The following SLC25A37 variants were observed in gnomAD, a reference collection of about 807,000 sequenced individuals.
SLC25A37 encodes the protein solute carrier family 25 member 37.
Under a neutral mutation model 31.0 loss-of-function variants are expected in SLC25A37, and 17 were observed. The observed-to-expected ratio is 0.55, with a 90% confidence interval of 0.38 to 0.82. SLC25A37 has a LOEUF of 0.82. Ranked by LOEUF, SLC25A37 falls within the 40% of genes least tolerant of loss-of-function variation. SLC25A37 has a pLI of 0.00. For synonymous variants in SLC25A37, 222 were observed against 193.0 expected, an observed-to-expected ratio of 1.15 and a Z score of -1.24; for missense variants, 404 against 465.8, an observed-to-expected ratio of 0.87 and a Z score of 1.22.
At chr8:23,537,866 G>A (rs1801802446) in intron 1 of SLC25A37, among the ~76,000 whole-genome samples, 1 of 152,144 alleles carries the variant, frequency 6.6e-6, no homozygotes, top group African/African-American at 2.4e-5. Flanking sequence ...GTTCACACCT[G>A]TGTGTCTCCC....
chr8:23,541,029 C>G (rs77078723), intron 1 of SLC25A37, among the ~76,000 whole-genome samples: 8,903 of 152,316 alleles, frequency 0.058, 364 homozygotes, highest in Middle Eastern at 0.11. Context: ...GCTGCCTGGC[C>G]TTGGGCACTT....
chr8:23,568,722 C>G (rs1439880572), intron 3 of SLC25A37: 10 of 300,116 alleles, frequency 3.3e-5, no homozygotes, highest in Non-Finnish European at 6.5e-5. Flanking sequence ...GTGGGCAGAT[C>G]ACTTGAGGTC....
At chr8:23,551,503 C>T (rs1423357006) in intron 1 of SLC25A37, among the ~76,000 whole-genome samples, 1 of 151,722 alleles carries the variant, frequency 6.6e-6, no homozygotes, top group Non-Finnish European at 1.5e-5. Flanking sequence ...GATCCTGCTG[C>T]TAGGCAGTGA....
At position 23,573,483 on chromosome 8, in the gene SLC25A37, A is replaced by T; in HGVS notation, c.*1628A>T. 1 of 203,830 alleles carries T rather than the reference A, an allele frequency of 4.9e-6. No homozygotes were observed. 12.6% of individuals were successfully genotyped at this position (203,830 alleles called of 1,614,324 possible). A position where few individuals can be genotyped will look rare whatever the true frequency, so the allele number is the denominator to read the frequency against. Reference sequence around the variant, plus strand: ...GCTCATGTATGTTTGCATTTCAGTGAGCCGGGTCCTGACCTGCCGCCACCC... The same window carrying T: ...GCTCATGTATGTTTGCATTTCAGTGTGCCGGGTCCTGACCTGCCGCCACCC... On this transcript the variant is annotated 3_prime_UTR_variant, in exon 4 of 4. Transcript: ENST00000519973.
Position 23,546,739 on chromosome 8 carries a change from T to C in SLC25A37, c.210+17527T>C, listed in dbSNP as rs192733009. The stretch of plus-strand genomic sequence containing the variant: ...AAAAATATCAGCTCAGAAATGACTT[T>C]TAATTGTGCAGGTGATAAAATCACA... On this transcript the variant is annotated intron_variant, in intron 1 of 3. Transcript: ENST00000519973. Among the ~76,000 whole-genome samples, 3 of 149,776 alleles carry C rather than the reference T, an allele frequency of 2.0e-5. No homozygotes were observed. In the Admixed American group the frequency reaches 2.0e-4, roughly 10 times the overall value.
intron 1 of SLC25A37, among the ~76,000 whole-genome samples, chr8:23,531,336 A>G (rs1801657050): frequency 6.6e-6 from 1 of 152,228 alleles, no homozygotes; most frequent in Admixed American, 6.5e-5. Context: ...GACCGGGAGT[A>G]ACTGAGTCAA....
At chr8:23,563,842 G>T (rs1456037011) in intron 1 of SLC25A37, among the ~76,000 whole-genome samples, 2 of 152,144 alleles carry the variant, frequency 1.3e-5, no homozygotes, top group African/African-American at 4.8e-5. Flanking sequence ...TTAGCTGGGC[G>T]TGGTGGAGGG....
intron 1 of SLC25A37, among the ~76,000 whole-genome samples, chr8:23,556,077 G>A (rs1370040565): frequency 8.1e-6 from 1 of 123,382 alleles, no homozygotes; most frequent in East Asian, 2.8e-4. Flanking sequence ...TTTTCAGAAT[G>A]TATGTTCTTC....
Position 23,551,213 on chromosome 8 carries a change from C to T in SLC25A37, c.211-14895C>T, listed in dbSNP as rs114884127. ...TAAACTGATAATAGTGATTTCCCTGCCCCACCTCTCTGCCAGCTATCTAAG... is the reference window on the plus strand; with the variant it reads ...TAAACTGATAATAGTGATTTCCCTGTCCCACCTCTCTGCCAGCTATCTAAG... On this transcript the variant is annotated intron_variant, in intron 1 of 3. Coordinates refer to ENST00000519973, the MANE Select transcript of SLC25A37 (RefSeq NM_016612.4). 9.7e-3 allele frequency among the ~76,000 whole-genome samples: 1,478 copies of T among 152,324 alleles called. 28 individuals are homozygous for T. Among genetic ancestry groups the T allele is most frequent in the African/African-American group, 0.034 (1,421 of 41,572 alleles).
chr8:23,557,917 T>C (rs898928603), intron 1 of SLC25A37, among the ~76,000 whole-genome samples: 2 of 152,246 alleles, frequency 1.3e-5, no homozygotes, highest in African/African-American at 4.8e-5. Flanking sequence ...ATTTCCTTTC[T>C]CTGGGAGAAA....
intron 3 of SLC25A37, among the ~76,000 whole-genome samples, chr8:23,569,994 A>G (rs759799297): frequency 1.3e-5 from 2 of 152,044 alleles, no homozygotes; most frequent in Non-Finnish European, 2.9e-5. Context: ...TTCAAGGTGA[A>G]GCTATTAAAT....
chr8:23,545,040 G>A (rs1376954294), intron 1 of SLC25A37, among the ~76,000 whole-genome samples: 5 of 152,198 alleles, frequency 3.3e-5, no homozygotes, highest in Non-Finnish European at 7.3e-5. Context: ...AGGGGCTGGT[G>A]GAGCAGTGGC....
At chr8:23,534,019 C>T (rs1801714676) in intron 1 of SLC25A37, among the ~76,000 whole-genome samples, 1 of 152,108 alleles carries the variant, frequency 6.6e-6, no homozygotes. Context: ...GTGATTGCAG[C>T]TCACTGCAGC....
intron 1 of SLC25A37, 103 bp from the exon 2 acceptor site, chr8:23,566,005 A>G (rs1176306176): frequency 1.2e-5 from 17 of 1,415,472 alleles, no homozygotes; most frequent in Non-Finnish European, 2.8e-6. Context: ...CTGTGAAACT[A>G]TGACATTGTT....
At chr8:23,568,433 A>C in intron 3 of SLC25A37, 55 bp downstream of exon 3, 2 of 1,605,974 alleles carry the variant, frequency 1.2e-6, no homozygotes, top group African/African-American at 1.3e-5. Context: ...AGGGGCACAA[A>C]AAATGGTTGT....
intron 2 of SLC25A37, chr8:23,567,910 T>C (rs990660007): frequency 2.3e-5 from 5 of 214,762 alleles, no homozygotes; most frequent in Admixed American, 1.5e-4. Context: ...GCTGTAGATA[T>C]GATATCTCCT....
chr8:23,534,948 C>G (rs1801736122), intron 1 of SLC25A37, among the ~76,000 whole-genome samples: 1 of 152,218 alleles, frequency 6.6e-6, no homozygotes, highest in Non-Finnish European at 1.5e-5. Context: ...ATCCCGTCCT[C>G]ACCCTGAGGA....
chr8:23,566,833 G>A, intron 2 of SLC25A37: 1 of 986,002 alleles, frequency 1.0e-6, no homozygotes, highest in Non-Finnish European at 1.2e-6. Flanking sequence ...TTTTATGGCT[G>A]ACAAAGGACT....
chr8:23,528,976 G>T lies in SLC25A37; in HGVS notation c.-27G>T. ...TCCCCCTCCCTGCCCACCTCCTGCA[G>T]CCTCCTGCGCCCCGCCGAGCTGGCG... On this transcript the variant is annotated 5_prime_UTR_variant, in exon 1 of 4. Coordinates refer to ENST00000519973, the MANE Select transcript of SLC25A37 (RefSeq NM_016612.4). 6.9e-7 allele frequency: 1 copy of T among 1,451,656 alleles called. No individual in the cohort carries two copies. The highest frequency in any genetic ancestry group is 9.1e-7 in the Non-Finnish European group (1 of 1,100,006). The allele number at this position is 1,451,656 out of a possible 1,614,324, so 89.9% of individuals were successfully genotyped here. A position where few individuals can be genotyped will look rare whatever the true frequency, so the allele number is the denominator to read the frequency against.
Sources: allele counts gnomAD v4.1 joint callset (sites outside exome capture counted in the v4.1 genomes callset), GRCh38; gene constraint gnomAD v4.1.1; transcripts MANE v1.5; gene names NCBI Gene and HGNC (gene_info 2026-07-23, HGNC 2026-07-21).